The following KIAA0040 variants were observed in gnomAD, a reference collection of about 807,000 sequenced individuals.
KIAA0040 encodes the protein uncharacterized protein KIAA0040.
Under a neutral mutation model 7.2 loss-of-function variants are expected in KIAA0040, and 10 were observed. The observed-to-expected ratio is 1.38, with a 90% confidence interval of 0.85 to 2.34. The LOEUF (loss-of-function observed/expected upper bound fraction) is 2.34. Ranked by LOEUF, KIAA0040 falls within the 30% of genes most tolerant of loss-of-function variation. KIAA0040 has a pLI of 0.00. For missense variants in KIAA0040, 89 were observed against 108.2 expected, an observed-to-expected ratio of 0.82 and a Z score of 0.79; for synonymous variants, 49 against 40.1, an observed-to-expected ratio of 1.22 and a Z score of -0.84.
chr1:175,180,941 C>T (rs912091634), intron 1 of KIAA0040, among the ~76,000 whole-genome samples: 8 of 152,168 alleles, frequency 5.3e-5, no homozygotes, highest in Admixed American at 1.3e-4. Context: ...ATTTCTTGGG[C>T]GCAGGCAATC....
At chr1:175,161,259 G>T in intron 3 of KIAA0040, 113 bp from the exon 4 acceptor site, 1 of 406,926 alleles carries the variant, frequency 2.5e-6, no homozygotes, top group Non-Finnish European at 4.4e-6. Flanking sequence ...AGATTTCCAG[G>T]GTTCAGTAAA....
chr1:175,183,576 T>G (rs1182436694), intron 1 of KIAA0040, among the ~76,000 whole-genome samples: 1 of 152,208 alleles, frequency 6.6e-6, no homozygotes, highest in African/African-American at 2.4e-5. Context: ...TGGGCTGAGC[T>G]TTCACAATTG....
At chr1:175,184,866 G>A (rs921191775) in intron 1 of KIAA0040, among the ~76,000 whole-genome samples, 1 of 152,320 alleles carries the variant, frequency 6.6e-6, no homozygotes, top group East Asian at 1.9e-4. Context: ...ATAACACTGT[G>A]TTATAACTGC....
chr1:175,182,908 G>T (rs1677494424), intron 1 of KIAA0040, among the ~76,000 whole-genome samples: 2 of 152,170 alleles, frequency 1.3e-5, no homozygotes, highest in African/African-American at 2.4e-5. Flanking sequence ...TGTGACCTCT[G>T]CTGGGGCCCA....
chr1:175,190,675 C>T (rs575218312), intron 1 of KIAA0040, among the ~76,000 whole-genome samples: 1 of 152,316 alleles, frequency 6.6e-6, no homozygotes, highest in Admixed American at 6.5e-5. Context: ...AAATCCATTC[C>T]TTTTCCTCAG....
chr1:175,165,462 C>T (rs1317659955), intron 3 of KIAA0040, among the ~76,000 whole-genome samples: 1 of 152,234 alleles, frequency 6.6e-6, no homozygotes, highest in African/African-American at 2.4e-5. Context: ...TTTTCTTCCT[C>T]CTTCCTCACC....
At chr1:175,186,779 T>C (rs183973358) in intron 1 of KIAA0040, among the ~76,000 whole-genome samples, 4 of 152,354 alleles carry the variant, frequency 2.6e-5, no homozygotes, top group Admixed American at 1.3e-4. Context: ...TCCAAGTGTC[T>C]TGCAGGGCAA....
In KIAA0040 at chr1:175,160,537, C is replaced by G. The variant is rs1676486551; in HGVS notation, c.*177G>C. The G allele has an allele frequency of 1.6e-6, 1 of 627,820 alleles. No individual in the cohort carries two copies. Among genetic ancestry groups the G allele is most frequent in the South Asian group, 2.1e-5 (1 of 47,782 alleles). 38.9% of individuals were successfully genotyped at this position (627,820 alleles called of 1,614,324 possible). A position where few individuals can be genotyped will look rare whatever the true frequency, so the allele number is the denominator to read the frequency against. On this transcript the variant is annotated 3_prime_UTR_variant, in exon 4 of 4. Coordinates refer to ENST00000423313, the MANE Select transcript of KIAA0040 (RefSeq NM_014656.3). ...GCCAAGACAGTATCCAAGAATTGTC[C>G]ACGTGGTCCCTGGGACTGCCCTCCA...
At chr1:175,169,163 T>C (rs74126934) in intron 2 of KIAA0040, among the ~76,000 whole-genome samples, 190 of 152,366 alleles carry the variant, frequency 1.2e-3, no homozygotes, top group African/African-American at 4.4e-3. Context: ...AAAAAGCTAA[T>C]GTTGGTAATG....
intron 1 of KIAA0040, among the ~76,000 whole-genome samples, chr1:175,191,469 G>T (rs895651019): frequency 3.3e-5 from 5 of 152,214 alleles, no homozygotes; most frequent in African/African-American, 1.2e-4. Context: ...GGAAAGACTT[G>T]GTCAGATTTT....
intron 1 of KIAA0040, among the ~76,000 whole-genome samples, chr1:175,178,133 C>T (rs1677279900): frequency 6.6e-6 from 1 of 152,214 alleles, no homozygotes; most frequent in Non-Finnish European, 1.5e-5. Context: ...AGCCCCTTCA[C>T]CTACTTGTGT....
At chr1:175,188,165 C>T (rs2101912910) in intron 1 of KIAA0040, among the ~76,000 whole-genome samples, 1 of 152,286 alleles carries the variant, frequency 6.6e-6, no homozygotes, top group African/African-American at 2.4e-5. Flanking sequence ...CAAGTCTCTT[C>T]CCAGGGGTGG....
intron 2 of KIAA0040, among the ~76,000 whole-genome samples, chr1:175,169,490 T>G (rs868535254): frequency 6.6e-6 from 1 of 152,212 alleles, no homozygotes; most frequent in Non-Finnish European, 1.5e-5. Context: ...TGCCTAGCAA[T>G]AAAAGTTAGT....
At position 175,188,832 on chromosome 1, in the gene KIAA0040, T is replaced by C. The variant is rs942798127; in HGVS notation, c.-384+3808A>G. On this transcript the variant is annotated intron_variant, in intron 1 of 3. Coordinates refer to ENST00000423313, the MANE Select transcript of KIAA0040 (RefSeq NM_014656.3). ...GCCCCTAGTTTGTCCTGGAGGCCAC[T>C]TGGGGAGGATTGGAACTTGAGGTAC... 2.0e-5 allele frequency among the ~76,000 whole-genome samples: 3 copies of C among 152,202 alleles called. No individual in the cohort carries two copies. In the South Asian group the frequency reaches 6.2e-4, roughly 32 times the overall value.
chr1:175,173,445 C>CT (rs980385752), intron 2 of KIAA0040, among the ~76,000 whole-genome samples: 1 of 152,128 alleles, frequency 6.6e-6, no homozygotes, highest in Non-Finnish European at 1.5e-5. Flanking sequence ...AAGAGATAGG[C>CT]TTTTTTTCTA....
chr1:175,183,188 T>C (rs923690968), intron 1 of KIAA0040, among the ~76,000 whole-genome samples: 3 of 152,222 alleles, frequency 2.0e-5, no homozygotes, highest in African/African-American at 7.2e-5. Flanking sequence ...TGCTCACTGA[T>C]AGTACAGAGG....
intron 1 of KIAA0040, among the ~76,000 whole-genome samples, chr1:175,184,525 G>C (rs1486611749): frequency 6.6e-6 from 1 of 152,174 alleles, no homozygotes; most frequent in Non-Finnish European, 1.5e-5. Flanking sequence ...CAACTGTTTT[G>C]AGAAAGTCTA....
Position 175,186,055 on chromosome 1 carries a change from G to A in KIAA0040, c.-384+6585C>T, listed in dbSNP as rs58175882. On this transcript the variant is annotated intron_variant, in intron 1 of 3. Coordinates refer to ENST00000423313, the MANE Select transcript of KIAA0040 (RefSeq NM_014656.3). ...GAAGAGGGAACAAGAAGAAGAAATT[G>A]CTTAATGGTTATGGGTTTTTATTTT... Among the ~76,000 whole-genome samples the A allele has an allele frequency of 5.3e-3, 803 of 152,270 alleles. 8 individuals carry two copies. Among genetic ancestry groups the A allele is most frequent in the African/African-American group, 0.019 (775 of 41,540 alleles).
rs947056818 is a variant in KIAA0040, at chr1:175,160,399, T to C, written c.*315A>G. 9.2e-6 allele frequency: 3 copies of C among 325,854 alleles called. No homozygotes were observed. Among genetic ancestry groups the C allele is most frequent in the Non-Finnish European group, 1.7e-5 (3 of 174,872 alleles). 20.2% of individuals were successfully genotyped at this position (325,854 alleles called of 1,614,324 possible). On this transcript the variant is annotated 3_prime_UTR_variant, in exon 4 of 4. Transcript: ENST00000423313. ...TGCATGTGCACACACTTGGGAACCATATTGAGATGTATGGATAAATGTTCT... is the reference window on the plus strand; with the variant it reads ...TGCATGTGCACACACTTGGGAACCACATTGAGATGTATGGATAAATGTTCT...
Sources: allele counts gnomAD v4.1 joint callset (sites outside exome capture counted in the v4.1 genomes callset), GRCh38; gene constraint gnomAD v4.1.1; transcripts MANE v1.5; gene names NCBI Gene and HGNC (gene_info 2026-07-23, HGNC 2026-07-21).